Variants in EIF4A2 observed in about 807,000 individuals in gnomAD.
EIF4A2 encodes the protein eukaryotic initiation factor 4A-II.
Under a neutral mutation model 50.6 loss-of-function variants are expected in EIF4A2, and 9 were observed. The ratio of observed to expected loss-of-function variants is 0.18; its 90% confidence interval spans 0.11 to 0.31. The LOEUF (loss-of-function observed/expected upper bound fraction) is 0.31, where lower values mean the gene tolerates loss of function less well. EIF4A2 is among the 10% of genes least tolerant of loss of function. The pLI, the probability that EIF4A2 is intolerant of heterozygous loss-of-function variation, is 1.00. For missense variants in EIF4A2, 182 were observed against 501.8 expected (o/e 0.36, Z 6.09); for synonymous variants, 215 against 164.4 (o/e 1.31, Z -2.35).
In EIF4A2 at chr3:186,784,608, A is replaced by G. The variant is rs570125990; in HGVS notation, c.120A>G (p.Leu40=). Residue 40 remains leucine (L), a synonymous_variant, in exon 3 of 11, where the codon TTA becomes TTG. Coordinates refer to ENST00000323963, the MANE Select transcript of EIF4A2 (RefSeq NM_001967.4). The part of the protein sequence containing the change: ...EIVDNFDDMN[L]KESLLRGIYA... Reference sequence around the variant, plus strand: ...TTGATAACTTTGATGATATGAATTTAAAGGAGTCTCTCCTTCGTGGCATCT... The same window carrying G: ...TTGATAACTTTGATGATATGAATTTGAAGGAGTCTCTCCTTCGTGGCATCT... 138 of 1,614,228 alleles carry G rather than the reference A, an allele frequency of 8.5e-5. No individual in the cohort carries two copies. The East Asian group carries it at 2.1e-3, about 24-fold the overall frequency.
At chr3:186,788,479 A>G in intron 10 of EIF4A2, 1 of 1,206,184 alleles carries the variant, frequency 8.3e-7, no homozygotes, top group African/African-American at 1.6e-5. Context: ...GCTCCAGCTA[A>G]GGCATTTTTT....
chr3:186,788,273 T>C (rs1721885611), intron 10 of EIF4A2: 2 of 1,286,994 alleles, frequency 1.6e-6, no homozygotes, highest in East Asian at 1.1e-4. Context: ...TTGTACTTTG[T>C]TATATGATGT....
At position 186,784,466 on chromosome 3, in the gene EIF4A2, G is replaced by T; in HGVS notation, c.64G>T (p.Gly22Cys). The change falls in exon 2 of 11, where the codon GGT (glycine) becomes TGT (cysteine). Residue 22 changes from glycine to cysteine, a missense_variant. Transcript: ENST00000323963. The part of the protein sequence containing the change: ...HGGPEGMDPD[G>C]VIESNWNEIV... ...CGGCCCAGAGGGAATGGACCCCGAT[G>T]GTGTCATCGAGGTAAGAAACGGTTG... The T allele has an allele frequency of 6.2e-7, 1 of 1,614,248 alleles. No individual in the cohort carries two copies. The highest frequency in any genetic ancestry group is 8.5e-7 in the Non-Finnish European group (1 of 1,180,050).
chr3:186,787,013 A>G (rs551124747), intron 7 of EIF4A2, 114 bp from the exon 8 acceptor site: 4 of 1,451,720 alleles, frequency 2.8e-6, no homozygotes, highest in Non-Finnish European at 3.8e-6. Flanking sequence ...AAGTGCTAGG[A>G]TCCCAAAGGG....
rs549320807 is a variant in EIF4A2 at position 186,786,438 on chromosome 3, TCAGA to T, written c.628-61_628-58del. 3.1e-4 allele frequency: 497 copies of T among 1,585,356 alleles called. 3 individuals carry two copies. Among genetic ancestry groups the T allele is most frequent in the African/African-American group, 2.8e-3 (205 of 73,860 alleles). ...CGTAGTAAGACAGAGACGCTTGGCT[TCAGA>T]CATTTTCCTTTGGGTATTAATGTGT... On this transcript the variant is annotated intron_variant, in intron 6 of 10. Transcript: ENST00000323963.
chr3:186,789,686 C>T lies in EIF4A2; in HGVS notation c.*417C>T, dbSNP rs566168880. 436 of 370,610 alleles carry T rather than the reference C, an allele frequency of 1.2e-3. 4 individuals carry two copies. The highest frequency in any genetic ancestry group is 1.6e-3 in the African/African-American group (78 of 47,914). The allele number at this position is 370,610 out of a possible 1,614,324, so 23.0% of individuals were successfully genotyped here. On this transcript the variant is annotated 3_prime_UTR_variant, in exon 11 of 11. Coordinates refer to ENST00000323963, the MANE Select transcript of EIF4A2 (RefSeq NM_001967.4). Reference sequence around the variant, plus strand: ...TTTGTCATTAGCCTGAGTAGAAAGGCCTTTAAAATTTTTTTAGAAAGCATT... The same window carrying T: ...TTTGTCATTAGCCTGAGTAGAAAGGTCTTTAAAATTTTTTTAGAAAGCATT...
At chr3:186,785,645 GGATT>G in intron 4 of EIF4A2, 1 of 481,784 alleles carries the variant, frequency 2.1e-6, no homozygotes, top group Middle Eastern at 5.5e-4. Context: ...CGTTATTCTT[GGATT>G]GTCTAGCTGA....
chr3:186,786,646 G>C lies in EIF4A2; in HGVS notation c.771+1G>C. On this transcript the variant is annotated splice_donor_variant, in intron 7 of 10. Coordinates refer to ENST00000323963, the MANE Select transcript of EIF4A2 (RefSeq NM_001967.4). LOFTEE classifies it high-confidence loss of function. The stretch of plus-strand genomic sequence containing the variant: ...GTTTTATATTAATGTTGAGAGAGAG[G>C]TAACTGTCTGATTGTTAGACATTAT... 6.2e-7 allele frequency: 1 copy of C among 1,613,864 alleles called. No individual in the cohort carries two copies. The highest frequency in any genetic ancestry group is 8.5e-7 in the Non-Finnish European group (1 of 1,179,858).
rs920515651 is a variant in EIF4A2 at position 186,784,126 on chromosome 3, C to T, written c.30-306C>T. ...TTGGCATCGCCCTCGCCAGGCCGCT[C>T]CGCCCGCGTCAATCACCCGGCTTGC... On this transcript the variant is annotated intron_variant, in intron 1 of 10. Coordinates refer to ENST00000323963, the MANE Select transcript of EIF4A2 (RefSeq NM_001967.4). 1.4e-5 allele frequency: 7 copies of T among 508,620 alleles called. No homozygotes were observed. In the Admixed American group the frequency reaches 2.1e-4, roughly 15 times the overall value. The allele number at this position is 508,620 out of a possible 1,614,324, so 31.5% of individuals were successfully genotyped here.
At position 186,789,420 on chromosome 3, in the gene EIF4A2, A is replaced by C; in HGVS notation, c.*151A>C. The stretch of plus-strand genomic sequence containing the variant: ...CAGATTTTGATAGCAAAGCGACGTT[A>C]GTCGTGAGCTCTTGTGAGGAAAGTC... On this transcript the variant is annotated 3_prime_UTR_variant, in exon 11 of 11. Coordinates refer to ENST00000323963, the MANE Select transcript of EIF4A2 (RefSeq NM_001967.4). 5.3e-6 allele frequency: 6 copies of C among 1,131,034 alleles called. No homozygotes were observed. Among genetic ancestry groups the C allele is most frequent in the Non-Finnish European group, 7.2e-6 (6 of 828,730 alleles). The allele number at this position is 1,131,034 out of a possible 1,614,324, so 70.1% of individuals were successfully genotyped here.
At chr3:186,784,522 G>T (rs1721577415) in intron 2 of EIF4A2, 42 bp from the exon 3 acceptor site, 4 of 1,614,194 alleles carry the variant, frequency 2.5e-6, no homozygotes, top group Non-Finnish European at 3.4e-6. Flanking sequence ...AGGTGAGTGT[G>T]TTCATCTCAT....
intron 10 of EIF4A2, chr3:186,788,367 T>C (rs955405115): frequency 7.8e-7 from 1 of 1,289,760 alleles, no homozygotes; most frequent in African/African-American, 1.5e-5. Context: ...TGACGTAATT[T>C]AGGACGTGGA....
chr3:186,785,184 T>C, intron 4 of EIF4A2, 83 bp downstream of exon 4: 1 of 1,568,434 alleles, frequency 6.4e-7, no homozygotes, highest in Non-Finnish European at 8.6e-7. Flanking sequence ...TAAAACTTAG[T>C]ATAAATTGGT....
intron 7 of EIF4A2, 70 bp from the exon 8 acceptor site, chr3:186,787,057 C>G: frequency 6.3e-7 from 1 of 1,598,446 alleles, no homozygotes; most frequent in Non-Finnish European, 8.5e-7. Flanking sequence ...GTGGCTGGCC[C>G]AGAATGAATT....
chr3:186,785,258 G>C, intron 4 of EIF4A2, 157 bp downstream of exon 4: 1 of 1,061,454 alleles, frequency 9.4e-7, no homozygotes, highest in Non-Finnish European at 1.3e-6. Context: ...AGTTTTAAAA[G>C]AACTGGGTAT....
Position 186,789,707 on chromosome 3 carries a change from G to A in EIF4A2, c.*438G>A. 1 of 383,330 alleles carries A rather than the reference G, an allele frequency of 2.6e-6. No homozygotes were observed. The allele number at this position is 383,330 out of a possible 1,614,324, so 23.7% of individuals were successfully genotyped here. A position where few individuals can be genotyped will look rare whatever the true frequency, so the allele number is the denominator to read the frequency against. ...AAGGCCTTTAAAATTTTTTTAGAAA[G>A]CATTTGAATGCATTTTGTTTGGTAT... is the stretch of plus-strand genomic sequence containing the variant. On this transcript the variant is annotated 3_prime_UTR_variant, in exon 11 of 11. Transcript: ENST00000323963.
chr3:186,786,731 T>C, intron 7 of EIF4A2, 86 bp downstream of exon 7: 1 of 1,564,938 alleles, frequency 6.4e-7, no homozygotes, highest in Non-Finnish European at 8.8e-7. Context: ...TGTCTTGGTT[T>C]TTGCAATAAT....
At chr3:186,783,775 A>G in intron 1 of EIF4A2, 136 bp downstream of exon 1, 2 of 1,406,534 alleles carry the variant, frequency 1.4e-6, no homozygotes, top group Non-Finnish European at 2.0e-6. Flanking sequence ...GTGCCCTTCC[A>G]GAAGCTTCCA....
In EIF4A2 at chr3:186,784,007, G is replaced by T. The variant is rs79879151; in HGVS notation, c.29+368G>T. The T allele has an allele frequency of 9.3e-3, 3,768 of 403,852 alleles. 122 individuals carry two copies. Among genetic ancestry groups the T allele is most frequent in the African/African-American group, 0.069 (3,432 of 49,688 alleles). 25.0% of individuals were successfully genotyped at this position (403,852 alleles called of 1,614,324 possible). A position where few individuals can be genotyped will look rare whatever the true frequency, so the allele number is the denominator to read the frequency against. ...CGGTCATCCACACGAGTTGGGGGAG[G>T]GTCCTAGGCTTTACTTGGGGAAGGG... On this transcript the variant is annotated intron_variant, in intron 1 of 10. Coordinates refer to ENST00000323963, the MANE Select transcript of EIF4A2 (RefSeq NM_001967.4).
Sources: gnomAD v4.1 joint callset for allele counts on GRCh38, gnomAD v4.1.1 for gene constraint, MANE v1.5 for transcripts, NCBI Gene and HGNC (gene_info 2026-07-23, HGNC 2026-07-21) for gene names.